Variants in FCHSD2 observed in about 807,000 individuals in gnomAD.
FCHSD2 encodes FCH and double SH3 domains 2.
Under a neutral mutation model 108.1 loss-of-function variants are expected in FCHSD2, and 38 were observed. That is an observed-to-expected ratio of 0.35 (90% CI 0.27 to 0.46). FCHSD2 has a LOEUF of 0.46. Ranked by LOEUF, FCHSD2 falls within the 20% of genes least tolerant of loss-of-function variation. The pLI is 1.00. For synonymous variants in FCHSD2, 279 were observed against 314.7 expected (o/e 0.89, Z 1.20); for missense variants, 751 against 897.8 (o/e 0.84, Z 2.09).
At chr11:72,967,789 T>TA (rs969928540) in intron 8 of FCHSD2, among the ~76,000 whole-genome samples, 13 of 152,008 alleles carry the variant, frequency 8.6e-5, no homozygotes, top group African/African-American at 4.8e-5. Context: ...TAATTTTTTT[T>TA]AAAAAGAAGT....
At chr11:72,913,389 C>T (rs1855803341) in intron 9 of FCHSD2, among the ~76,000 whole-genome samples, 1 of 152,186 alleles carries the variant, frequency 6.6e-6, no homozygotes, top group African/African-American at 2.4e-5. Context: ...ACACCTCAGC[C>T]TCCCGAGCAG....
intron 8 of FCHSD2, among the ~76,000 whole-genome samples, chr11:72,980,690 T>C (rs1436437374): frequency 1.3e-5 from 2 of 149,088 alleles, no homozygotes; most frequent in Non-Finnish European, 3.0e-5. Flanking sequence ...TATATATATA[T>C]ATATATAATG....
intron 14 of FCHSD2, among the ~76,000 whole-genome samples, chr11:72,847,205 C>T (rs1377428808): frequency 1.3e-5 from 2 of 152,150 alleles, no homozygotes; most frequent in Admixed American, 6.6e-5. Flanking sequence ...TCTTTGTTGC[C>T]CAGGCTGGTC....
chr11:73,103,241 T>C (rs1860264892), intron 2 of FCHSD2, among the ~76,000 whole-genome samples: 1 of 152,198 alleles, frequency 6.6e-6, no homozygotes, highest in Non-Finnish European at 1.5e-5. Flanking sequence ...TTTTATTGTA[T>C]GCAAATTGTC....
In FCHSD2 at chr11:72,957,853, G is replaced by A. The variant is rs1033086681; in HGVS notation, c.705+26235C>T. Among the ~76,000 whole-genome samples, 4 of 151,810 alleles carry A rather than the reference G, an allele frequency of 2.6e-5. No homozygotes were observed. In the East Asian group the frequency reaches 7.7e-4, roughly 29 times the overall value. On this transcript the variant is annotated intron_variant, in intron 8 of 19. Coordinates refer to ENST00000409418, the MANE Select transcript of FCHSD2 (RefSeq NM_014824.3). ...CACATAAATATATAGTGAGGGAGAGGGAACAAACAGAACAAAATGTTAACT... is the reference window on the plus strand; with the variant it reads ...CACATAAATATATAGTGAGGGAGAGAGAACAAACAGAACAAAATGTTAACT...
At chr11:73,091,548 CA>C (rs1396793152) in intron 2 of FCHSD2, among the ~76,000 whole-genome samples, 7 of 150,530 alleles carry the variant, frequency 4.7e-5, no homozygotes, top group Non-Finnish European at 8.9e-5. Context: ...GACTCCATCT[CA>C]AAAAAAAGAA....
At chr11:72,891,073 T>C (rs1174804878) in intron 10 of FCHSD2, among the ~76,000 whole-genome samples, 2 of 152,126 alleles carry the variant, frequency 1.3e-5, no homozygotes, top group Non-Finnish European at 2.9e-5. Flanking sequence ...TGTGTCACCA[T>C]ACTCAGCTCA....
chr11:72,917,122 C>T (rs1343221243), intron 9 of FCHSD2, among the ~76,000 whole-genome samples: 1 of 151,910 alleles, frequency 6.6e-6, no homozygotes, highest in Non-Finnish European at 1.5e-5. Context: ...GCAGCTGGGA[C>T]TACAGGCACC....
intron 4 of FCHSD2, among the ~76,000 whole-genome samples, chr11:73,005,391 C>T (rs1341491572): frequency 6.6e-6 from 1 of 152,184 alleles, no homozygotes; most frequent in Non-Finnish European, 1.5e-5. Context: ...AGTCTTGATT[C>T]TATTACTCGA....
chr11:73,015,900 A>G lies in FCHSD2; in HGVS notation c.166-15T>C, dbSNP rs1209544458. The G allele has an allele frequency of 8.3e-6, 12 of 1,454,426 alleles. No homozygotes were observed. The highest frequency in any genetic ancestry group is 1.0e-5 in the Non-Finnish European group (11 of 1,052,938). 90.1% of individuals were successfully genotyped at this position (1,454,426 alleles called of 1,614,324 possible). On this transcript the variant is annotated splice_polypyrimidine_tract_variant and intron_variant, in intron 3 of 19. Transcript: ENST00000409418. ...TTCTGCATACCCTGTTAAAAAATACATATTTTTTCTAAAATAAATATTATG... is the reference window on the plus strand; with the variant it reads ...TTCTGCATACCCTGTTAAAAAATACGTATTTTTTCTAAAATAAATATTATG...
intron 3 of FCHSD2, among the ~76,000 whole-genome samples, chr11:73,052,417 A>T (rs2135477513): frequency 6.6e-6 from 1 of 152,234 alleles, no homozygotes; most frequent in Non-Finnish European, 1.5e-5. Flanking sequence ...TTTTTTTTTA[A>T]AAAAAGACAC....
chr11:73,135,358 A>G (rs1861098447), intron 2 of FCHSD2, among the ~76,000 whole-genome samples: 1 of 152,194 alleles, frequency 6.6e-6, no homozygotes, highest in African/African-American at 2.4e-5. Context: ...CTATAAAATG[A>G]ACAAACATGA....
chr11:72,922,986 C>A (rs1302861743), intron 8 of FCHSD2, among the ~76,000 whole-genome samples: 1 of 152,138 alleles, frequency 6.6e-6, no homozygotes, highest in Non-Finnish European at 1.5e-5. Context: ...CACTAGTCTG[C>A]TTTCTACCTC....
chr11:73,110,326 G>A (rs1029107664), intron 2 of FCHSD2, among the ~76,000 whole-genome samples: 2 of 152,012 alleles, frequency 1.3e-5, no homozygotes, highest in Non-Finnish European at 2.9e-5. Context: ...TCTTGGACTT[G>A]GCTTTGCTAG....
chr11:72,991,077 T>C (rs936024064), intron 5 of FCHSD2, among the ~76,000 whole-genome samples: 19 of 152,246 alleles, frequency 1.2e-4, no homozygotes, highest in African/African-American at 4.6e-4. Flanking sequence ...GAGAATACTA[T>C]AAACACCTCT....
At chr11:73,027,192 T>C (rs1277490394) in intron 3 of FCHSD2, among the ~76,000 whole-genome samples, 3 of 152,182 alleles carry the variant, frequency 2.0e-5, no homozygotes, top group Non-Finnish European at 4.4e-5. Context: ...TAGAGACCTG[T>C]TGAATGGTTT....
chr11:72,845,869 T>C (rs1861119281), intron 14 of FCHSD2, among the ~76,000 whole-genome samples: 1 of 152,196 alleles, frequency 6.6e-6, no homozygotes, highest in Non-Finnish European at 1.5e-5. Flanking sequence ...GTTTTCTTTT[T>C]TCGTACTAGA....
intron 3 of FCHSD2, among the ~76,000 whole-genome samples, chr11:73,060,733 C>T (rs1316408710): frequency 6.6e-6 from 1 of 152,092 alleles, no homozygotes; most frequent in Non-Finnish European, 1.5e-5. Flanking sequence ...TTCCCCTGGG[C>T]CAGAAAAGCA....
At chr11:73,092,408 G>A (rs1859979734) in intron 2 of FCHSD2, among the ~76,000 whole-genome samples, 3 of 151,804 alleles carry the variant, frequency 2.0e-5, no homozygotes, top group South Asian at 4.2e-4. Context: ...CCAAAGTGCT[G>A]GGATTACAGG....
Sources: allele counts gnomAD v4.1 joint callset (sites outside exome capture counted in the v4.1 genomes callset), GRCh38; gene constraint gnomAD v4.1.1; transcripts MANE v1.5; gene names NCBI Gene and HGNC (gene_info 2026-07-23, HGNC 2026-07-21).